The following MARK1 variants were observed in gnomAD, a reference collection of about 807,000 sequenced individuals.
MARK1 encodes serine/threonine-protein kinase MARK1.
In MARK1, 40 loss-of-function variants were observed where a neutral mutation model predicts 96.3. That is an observed-to-expected ratio of 0.42 (90% CI 0.32 to 0.54). The LOEUF (loss-of-function observed/expected upper bound fraction) is 0.54. Among genes scored for constraint, MARK1 ranks in the 20% least tolerant of loss-of-function variants. The pLI, the probability that MARK1 is intolerant of heterozygous loss-of-function variation, is 0.16. For missense variants in MARK1, 719 were observed against 984.6 expected (o/e 0.73, Z 3.61); for synonymous variants, 317 against 341.2 (o/e 0.93, Z 0.78).
Position 220,618,773 on chromosome 1 carries a change from C to T in MARK1, c.909+18C>T, listed in dbSNP as rs780108051. 2.6e-6 allele frequency: 4 copies of T among 1,547,876 alleles called. No homozygotes were observed. Among genetic ancestry groups the T allele is most frequent in the Non-Finnish European group, 3.5e-6 (4 of 1,150,182 alleles). On this transcript the variant is annotated intron_variant, in intron 9 of 17. Transcript: ENST00000366917. This position sits in a 1 kb window ranked among gnomAD's most constrained non-coding sequence, Gnocchi z 4.6. Reference sequence around the variant, plus strand: ...GCTTGGAAGTAAGTAAATTTTTGTACTCCAAATTTAAATTTTAACAATTAA... The same window carrying T: ...GCTTGGAAGTAAGTAAATTTTTGTATTCCAAATTTAAATTTTAACAATTAA...
At position 220,636,045 on chromosome 1, in the gene MARK1, A is replaced by T. The variant is rs747141692; in HGVS notation, c.1470+19A>T. The T allele has an allele frequency of 6.6e-7, 1 of 1,514,546 alleles. No individual in the cohort carries two copies. The highest frequency in any genetic ancestry group is 8.9e-7 in the Non-Finnish European group (1 of 1,123,722). The allele number at this position is 1,514,546 out of a possible 1,614,324, so 93.8% of individuals were successfully genotyped here. ...TCCAAGTGTGAGTAAATACTCTGGT[A>T]TATTGCAATTTATTGTAATAACTTG... On this transcript the variant is annotated intron_variant, in intron 13 of 17. Coordinates refer to ENST00000366917, the MANE Select transcript of MARK1 (RefSeq NM_018650.5).
chr1:220,584,267 G>A (rs1664445548), intron 3 of MARK1, among the ~76,000 whole-genome samples: 1 of 152,194 alleles, frequency 6.6e-6, no homozygotes, highest in South Asian at 2.1e-4. Flanking sequence ...CACAAAAGTG[G>A]CTAAGTGGTT....
chr1:220,653,478 T>G, intron 16 of MARK1, 126 bp downstream of exon 16: 1 of 1,026,772 alleles, frequency 9.7e-7, no homozygotes, highest in Non-Finnish European at 1.3e-6. Flanking sequence ...AGCTGCTCTT[T>G]TACAGAGTTG....
intron 1 of MARK1, among the ~76,000 whole-genome samples, chr1:220,531,235 A>G (rs1263206331): frequency 1.3e-5 from 2 of 152,172 alleles, no homozygotes; most frequent in African/African-American, 4.8e-5. Flanking sequence ...CCTGCTTGTT[A>G]GCTAATATAT....
intron 1 of MARK1, among the ~76,000 whole-genome samples, chr1:220,536,620 A>G (rs1047113602): frequency 4.0e-5 from 6 of 151,806 alleles, no homozygotes; most frequent in Non-Finnish European, 7.4e-5. Context: ...CAGTGGCGCA[A>G]TCTCAGCTCA....
At chr1:220,555,381 G>A (rs1218828347) in intron 1 of MARK1, among the ~76,000 whole-genome samples, 1 of 152,178 alleles carries the variant, frequency 6.6e-6, no homozygotes, top group Non-Finnish European at 1.5e-5. Context: ...ATTCTTAGGG[G>A]TAAGGAGGAT....
chr1:220,547,679 C>T (rs933719804), intron 1 of MARK1, among the ~76,000 whole-genome samples: 1 of 152,172 alleles, frequency 6.6e-6, no homozygotes, highest in South Asian at 2.1e-4. Context: ...ATTCTCCTGC[C>T]TCAGCCCCCC....
At chr1:220,615,070 C>G (rs572371797) in intron 6 of MARK1, among the ~76,000 whole-genome samples, 1 of 152,234 alleles carries the variant, frequency 6.6e-6, no homozygotes, top group South Asian at 2.1e-4. Flanking sequence ...GACTGTCCTT[C>G]TATTCATCAG....
chr1:220,650,835 T>G (rs1474070624), intron 14 of MARK1, 115 bp downstream of exon 14: 4 of 672,574 alleles, frequency 5.9e-6, no homozygotes, highest in African/African-American at 3.7e-5. Context: ...CATGAAATAG[T>G]AAGATTGCAA....
intron 13 of MARK1, among the ~76,000 whole-genome samples, chr1:220,641,052 T>C (rs1269550957): frequency 6.6e-6 from 1 of 152,238 alleles, no homozygotes; most frequent in Non-Finnish European, 1.5e-5. Flanking sequence ...AACCCTTGAC[T>C]AGCCTAGAAA....
intron 9 of MARK1, among the ~76,000 whole-genome samples, chr1:220,624,690 A>C (rs1019357243): frequency 4.6e-5 from 7 of 152,128 alleles, no homozygotes; most frequent in Non-Finnish European, 7.4e-5. Flanking sequence ...CCATGTATAT[A>C]TTTTTTCTGA....
chr1:220,607,492 T>A (rs959318318), intron 6 of MARK1, among the ~76,000 whole-genome samples: 2 of 152,080 alleles, frequency 1.3e-5, no homozygotes, highest in Non-Finnish European at 1.5e-5. Flanking sequence ...GACTTCCTCA[T>A]TTCCTAATTG....
intron 1 of MARK1, among the ~76,000 whole-genome samples, chr1:220,560,364 A>G (rs978357026): frequency 3.3e-5 from 5 of 152,170 alleles, no homozygotes; most frequent in African/African-American, 4.8e-5. Flanking sequence ...TTGCAACTTC[A>G]TGGTTAGATT....
intron 13 of MARK1, among the ~76,000 whole-genome samples, chr1:220,637,791 C>A (rs1228460220): frequency 6.7e-6 from 1 of 149,708 alleles, no homozygotes; most frequent in Non-Finnish European, 1.5e-5. Context: ...ACCTTTAAAC[C>A]AGCAGAAGGA....
At chr1:220,588,201 A>C (rs889224509) in intron 3 of MARK1, among the ~76,000 whole-genome samples, 1 of 152,192 alleles carries the variant, frequency 6.6e-6, no homozygotes, top group African/African-American at 2.4e-5. Context: ...GAAATTATTT[A>C]ACTTCATATC....
intron 13 of MARK1, among the ~76,000 whole-genome samples, chr1:220,644,146 C>T (rs1668445132): frequency 6.6e-6 from 1 of 152,066 alleles, no homozygotes; most frequent in South Asian, 2.1e-4. Context: ...AGACAAGATC[C>T]ATCAGTGTGC....
chr1:220,537,473 A>C (rs1405876953), intron 1 of MARK1, among the ~76,000 whole-genome samples: 1 of 148,734 alleles, frequency 6.7e-6, no homozygotes, highest in Non-Finnish European at 1.5e-5. Context: ...ACATTTTCTT[A>C]CTCCAGTCTA....
chr1:220,540,354 T>A (rs1179519429), intron 1 of MARK1, among the ~76,000 whole-genome samples: 1 of 152,070 alleles, frequency 6.6e-6, no homozygotes, highest in Non-Finnish European at 1.5e-5. Flanking sequence ...GAAATAAATT[T>A]TCCGTTTTTT....
chr1:220,661,054 A>G (rs574018841), intron 17 of MARK1, among the ~76,000 whole-genome samples: 5 of 152,364 alleles, frequency 3.3e-5, no homozygotes, highest in African/African-American at 1.2e-4. Flanking sequence ...CGTCGCAGCC[A>G]TCTGGGGAGA....
Sources: gnomAD v4.1 joint callset for allele counts (sites outside exome capture counted in the v4.1 genomes callset) on GRCh38, gnomAD v4.1.1 for gene constraint, Gnocchi (gnomAD v3.1) non-coding constraint, MANE v1.5 for transcripts, NCBI Gene and HGNC (gene_info 2026-07-23, HGNC 2026-07-21) for gene names.